KDM3A: variants seen among roughly 807,000 people sequenced by gnomAD.
KDM3A encodes lysine-specific demethylase 3A.
In KDM3A, 60 loss-of-function variants were observed where a neutral mutation model predicts 158.0. The ratio of observed to expected loss-of-function variants is 0.38; its 90% CI spans 0.31 to 0.47. The LOEUF (loss-of-function observed/expected upper bound fraction) is 0.47. KDM3A is among the 20% of genes least tolerant of loss of function. KDM3A has a pLI of 0.99. For missense variants in KDM3A, 1,319 were observed against 1,574.3 expected (o/e 0.84, Z 2.74); for synonymous variants, 608 against 549.3 (o/e 1.11, Z -1.49).
At chr2:86,491,942 G>A (rs1674476662) in intron 25 of KDM3A, 97 bp from the exon 26 acceptor site, 3 of 775,944 alleles carry the variant, frequency 3.9e-6, no homozygotes, top group South Asian at 3.6e-5. Flanking sequence ...TTTAAATTCT[G>A]AGAGAAGGTA....
upstream of KDM3A, among the ~76,000 whole-genome samples, chr2:86,439,629 T>C (rs1218659580): frequency 6.6e-6 from 1 of 152,130 alleles, no homozygotes; most frequent in East Asian, 1.9e-4. Context: ...TATCTTCCCT[T>C]ATATTTTACA....
intron 10 of KDM3A, among the ~76,000 whole-genome samples, chr2:86,468,186 G>A (rs1673244381): frequency 6.6e-6 from 1 of 152,212 alleles, no homozygotes; most frequent in African/African-American, 2.4e-5. Context: ...AGCATTGGAA[G>A]AATAGAAAGA....
At chr2:86,462,185 G>A (rs947424611) in intron 8 of KDM3A, among the ~76,000 whole-genome samples, 1 of 150,746 alleles carries the variant, frequency 6.6e-6, no homozygotes, top group Non-Finnish European at 1.5e-5. Flanking sequence ...ATTACATATG[G>A]GAAATTAGAT....
chr2:86,459,310 G>A (rs1012517636), intron 8 of KDM3A, among the ~76,000 whole-genome samples: 1 of 152,182 alleles, frequency 6.6e-6, no homozygotes, highest in African/African-American at 2.4e-5. Context: ...CATAGTATTA[G>A]AAGCTGAGAG....
chr2:86,458,505 C>T (rs1672797464), intron 8 of KDM3A, among the ~76,000 whole-genome samples: 1 of 152,204 alleles, frequency 6.6e-6, no homozygotes, highest in Admixed American at 6.5e-5. Flanking sequence ...GTATTAAGTA[C>T]TCACTGTGTG....
intron 8 of KDM3A, among the ~76,000 whole-genome samples, chr2:86,462,790 G>A (rs1022152931): frequency 6.6e-6 from 1 of 152,106 alleles, no homozygotes; most frequent in African/African-American, 2.4e-5. Context: ...ATTCGAAATT[G>A]TCAGGTTTTA....
In KDM3A at chr2:86,441,375, C is replaced by T. The variant is rs1275639566; in HGVS notation, c.-100C>T. On this transcript the variant is annotated 5_prime_UTR_variant, in exon 1 of 26. Transcript: ENST00000312912. Reference sequence around the variant, plus strand: ...TCTTGTGAGAGCTCTTGAACCAAGTCAGCGCTGGAGTCGGCTAGGCGGCTG... The same window carrying T: ...TCTTGTGAGAGCTCTTGAACCAAGTTAGCGCTGGAGTCGGCTAGGCGGCTG... 1 of 152,326 alleles carries T rather than the reference C, an allele frequency of 6.6e-6. No individual in the cohort carries two copies. The highest frequency in any genetic ancestry group is 1.5e-5 in the Non-Finnish European group (1 of 68,148). 9.4% of individuals were successfully genotyped at this position (152,326 alleles called of 1,614,324 possible).
Position 86,482,539 on chromosome 2 carries a change from T to C in KDM3A, c.2767T>C (p.Leu923=). The change falls in exon 18 of 26, where the codon TTA becomes CTA. Residue 923 remains leucine (L), a synonymous_variant. Coordinates refer to ENST00000312912, the MANE Select transcript of KDM3A (RefSeq NM_018433.6). ...GGTGCAAAATAAGACGACTTCTGAT[T>C]TATCTAAGAGGCCTCAAGGACTAAC... The part of the protein sequence containing the change: ...SLVQNKTTSD[L]SKRPQGLTIK... 6.2e-7 allele frequency: 1 copy of C among 1,614,142 alleles called. No homozygotes were observed. The highest frequency in any genetic ancestry group is 8.5e-7 in the Non-Finnish European group (1 of 1,180,028).
Position 86,484,109 on chromosome 2 carries a change from C to T in KDM3A, c.3045C>T (p.Ile1015=), listed in dbSNP as rs767061997. 2.5e-6 allele frequency: 4 copies of T among 1,613,932 alleles called. No individual in the cohort carries two copies. The highest frequency in any genetic ancestry group is 3.4e-6 in the Non-Finnish European group (4 of 1,179,886). The change falls in exon 19 of 26, where the codon ATC becomes ATT. Residue 1015 remains isoleucine, a synonymous_variant. Coordinates refer to ENST00000312912, the MANE Select transcript of KDM3A (RefSeq NM_018433.6). ...TTAATTGTAGGACCAATGAAATCAT[C>T]ACAGGAGCCACAGTAGGAGACTTCT... ...DLVNCRTNEI[I]TGATVGDFWD...
intron 11 of KDM3A, among the ~76,000 whole-genome samples, chr2:86,473,814 A>G (rs1673525379): frequency 1.3e-5 from 2 of 152,324 alleles, no homozygotes; most frequent in Middle Eastern, 3.4e-3. Context: ...TGAAAAGAAC[A>G]TTCAAGTGTT....
At chr2:86,481,633 A>G (rs1448153107) in intron 16 of KDM3A, among the ~76,000 whole-genome samples, 2 of 152,168 alleles carry the variant, frequency 1.3e-5, no homozygotes, top group African/African-American at 2.4e-5. Context: ...AATGCTGCCA[A>G]TATTTGTAGA....
intron 2 of KDM3A, among the ~76,000 whole-genome samples, chr2:86,449,181 C>G (rs574013142): frequency 6.6e-5 from 10 of 152,260 alleles, no homozygotes; most frequent in Admixed American, 2.6e-4. Flanking sequence ...AGAGATAGTT[C>G]TGAAAAACTT....
upstream of KDM3A, among the ~76,000 whole-genome samples, chr2:86,437,433 G>A (rs531049979): frequency 1.6e-3 from 250 of 152,180 alleles, 1 homozygote; most frequent in African/African-American, 5.5e-3. Context: ...AAGTCACTGC[G>A]CCCGGCTTAT....
chr2:86,466,652 A>G lies in KDM3A; in HGVS notation c.1288A>G (p.Ile430Val). The stretch of plus-strand genomic sequence containing the variant: ...GGCTTCTTCTAAGGCAGAATTGGAA[A>G]TTGCCAATCCTCCTGAACTGCAGAA... ...TKASSKAELE[I>V]ANPPELQKHL... The change falls in exon 10 of 26, where the codon ATT (isoleucine) becomes GTT (valine). Residue 430 changes from isoleucine to valine, a missense_variant. Physicochemically the swap from Ile to Val is conservative, Grantham distance 29. Transcript: ENST00000312912. The G allele has an allele frequency of 1.9e-6, 3 of 1,613,952 alleles. No homozygotes were observed. Among genetic ancestry groups the G allele is most frequent in the South Asian group, 1.1e-5 (1 of 91,084 alleles).
intron 4 of KDM3A, among the ~76,000 whole-genome samples, chr2:86,452,728 A>C (rs1558607195): frequency 6.6e-6 from 1 of 152,234 alleles, no homozygotes; most frequent in Non-Finnish European, 1.5e-5. Context: ...GTCAGTGGTT[A>C]TCAGGTTGCC....
rs1674232606 is a variant in KDM3A, at chr2:86,487,414, CTG to C, written c.3313+1558_3313+1559del. 9 of 152,164 alleles carry C rather than the reference CTG, an allele frequency of 5.9e-5. No individual in the cohort carries two copies. In the South Asian group the frequency reaches 1.9e-3, roughly 31 times the overall value. The allele number at this position is 152,164 out of a possible 1,614,324, so 9.4% of individuals were successfully genotyped here. Reference sequence around the variant, plus strand: ...TCTTTTCAAAGGTTGTGTGATTGAGCTGTGACTCTTCCATGAGAGTAAGTGCA... The same window carrying C: ...TCTTTTCAAAGGTTGTGTGATTGAGCTGACTCTTCCATGAGAGTAAGTGCA... On this transcript the variant is annotated intron_variant, in intron 21 of 25. Transcript: ENST00000312912.
intron 11 of KDM3A, 34 bp from the exon 12 acceptor site, chr2:86,474,742 T>TGTAC: frequency 9.2e-7 from 1 of 1,083,116 alleles, no homozygotes; most frequent in Non-Finnish European, 1.4e-6. Flanking sequence ...TGTGTGTGTG[T>TGTAC]ACATTACATC....
At position 86,492,291 on chromosome 2, in the gene KDM3A, A is replaced by G; in HGVS notation, c.*172A>G. 1 of 549,212 alleles carries G rather than the reference A, an allele frequency of 1.8e-6. No individual in the cohort carries two copies. Among genetic ancestry groups the G allele is most frequent in the Non-Finnish European group, 3.3e-6 (1 of 306,370 alleles). 34.0% of individuals were successfully genotyped at this position (549,212 alleles called of 1,614,324 possible). ...GTGTTTACAGACAGTAAATGTGTAT[A>G]TGTAGTAACTATTTACAGAACATGC... On this transcript the variant is annotated 3_prime_UTR_variant, in exon 26 of 26. Coordinates refer to ENST00000312912, the MANE Select transcript of KDM3A (RefSeq NM_018433.6).
chr2:86,457,353 T>G (rs113741275), intron 8 of KDM3A, among the ~76,000 whole-genome samples: 40 of 152,210 alleles, frequency 2.6e-4, no homozygotes, highest in African/African-American at 9.4e-4. Context: ...CAGACTGGTC[T>G]TGAATTCCTG....
Sources: allele counts gnomAD v4.1 joint callset (sites outside exome capture counted in the v4.1 genomes callset), GRCh38; gene constraint gnomAD v4.1.1; transcripts MANE v1.5; gene names NCBI Gene and HGNC (gene_info 2026-07-23, HGNC 2026-07-21).